SYNPR: variants seen among roughly 807,000 people sequenced by gnomAD.
SYNPR encodes synaptoporin.
SYNPR carries 23 observed loss-of-function variants against 32.9 expected under a neutral mutation model. The ratio of observed to expected loss-of-function variants is 0.70; its 90% CI spans 0.50 to 0.99. The LOEUF (loss-of-function observed/expected upper bound fraction) is 0.99, where lower values mean the gene tolerates loss of function less well. SYNPR is among the 50% of genes least tolerant of loss of function. SYNPR has a pLI of 0.00. For synonymous variants in SYNPR, 146 were observed against 135.9 expected (o/e 1.07, Z -0.52); for missense variants, 318 against 349.3 (o/e 0.91, Z 0.71).
chr3:63,528,448 A>C (rs1386525241), intron 3 of SYNPR, among the ~76,000 whole-genome samples: 2 of 152,214 alleles, frequency 1.3e-5, no homozygotes, highest in East Asian at 3.9e-4. Flanking sequence ...ACTAGACTTA[A>C]ACTAGCAAAA....
rs2086595414 is a variant in SYNPR, at chr3:63,278,340, C to T, written c.-194C>T. On this transcript the variant is annotated 5_prime_UTR_variant, in exon 1 of 6. Coordinates refer to ENST00000478300, the MANE Select transcript of SYNPR (RefSeq NM_001130003.2). Reference sequence around the variant, plus strand: ...GCTGACTCGCTTCGCTTCCCCGACGCGCTGGGTTCCCGGAGCGCAGAGCCC... The same window carrying T: ...GCTGACTCGCTTCGCTTCCCCGACGTGCTGGGTTCCCGGAGCGCAGAGCCC... The T allele has an allele frequency of 1.5e-6, 1 of 658,808 alleles. No individual in the cohort carries two copies. Among genetic ancestry groups the T allele is most frequent in the Non-Finnish European group, 2.5e-6 (1 of 392,230 alleles). The allele number at this position is 658,808 out of a possible 1,614,324, so 40.8% of individuals were successfully genotyped here.
At chr3:63,542,860 T>C (rs1439408086) in intron 3 of SYNPR, among the ~76,000 whole-genome samples, 1 of 152,104 alleles carries the variant, frequency 6.6e-6, no homozygotes, top group Non-Finnish European at 1.5e-5. Flanking sequence ...CTATCCCATA[T>C]TACCTGAATT....
chr3:63,386,335 A>G (rs1233970585), intron 2 of SYNPR, among the ~76,000 whole-genome samples: 2 of 152,192 alleles, frequency 1.3e-5, no homozygotes, highest in Non-Finnish European at 2.9e-5. Context: ...AAAGAAATAA[A>G]TGTATTCTAC....
chr3:63,278,368 C>A lies in SYNPR; in HGVS notation c.-166C>A. 1.2e-6 allele frequency: 1 copy of A among 827,174 alleles called. No individual in the cohort carries two copies. 51.2% of individuals were successfully genotyped at this position (827,174 alleles called of 1,614,324 possible). On this transcript the variant is annotated 5_prime_UTR_variant, in exon 1 of 6. Transcript: ENST00000478300. ...TGGGTTCCCGGAGCGCAGAGCCCAG[C>A]GTTAGCGGGTGGGCTCCCCGAGGCC...
intron 3 of SYNPR, among the ~76,000 whole-genome samples, chr3:63,523,522 C>A (rs957550695): frequency 6.6e-6 from 1 of 152,110 alleles, no homozygotes; most frequent in African/African-American, 2.4e-5. Flanking sequence ...CCCTAATCAC[C>A]AAAGGTAGTA....
chr3:63,222,011 A>ATTTTTTTTTTATTTTTTTTTTTTTT, the SYNPR span, among the ~76,000 whole-genome samples: 1 of 56,410 alleles, frequency 1.8e-5, no homozygotes, highest in Non-Finnish European at 3.5e-5. Context: ...GCCATGCTCA[A>ATTTTTTTTTTATTTTTTTTTTTTTT]TTTTTTTTTT....
At chr3:63,488,366 G>A (rs1278103163) in intron 3 of SYNPR, among the ~76,000 whole-genome samples, 2 of 152,160 alleles carry the variant, frequency 1.3e-5, no homozygotes, top group Non-Finnish European at 2.9e-5. Flanking sequence ...TGTGTATGAT[G>A]AGACCTGATG....
chr3:63,316,441 A>G (rs2087044670), intron 2 of SYNPR, among the ~76,000 whole-genome samples: 1 of 151,828 alleles, frequency 6.6e-6, no homozygotes, highest in South Asian at 2.1e-4. Flanking sequence ...AGGATATCGA[A>G]TTCTTCCTGG....
At chr3:63,507,420 G>A (rs1701610322) in intron 3 of SYNPR, among the ~76,000 whole-genome samples, 1 of 152,142 alleles carries the variant, frequency 6.6e-6, no homozygotes, top group Non-Finnish European at 1.5e-5. Context: ...ATTCTGTGAA[G>A]TAACAGACAA....
At chr3:63,232,422 C>T (rs763353169) in intron 1 of SYNPR, among the ~76,000 whole-genome samples, 3 of 152,104 alleles carry the variant, frequency 2.0e-5, no homozygotes, top group Non-Finnish European at 2.9e-5. Context: ...AGGCTGGTCT[C>T]GAGCTCTTGA....
In SYNPR at chr3:63,498,341, G is replaced by C. The variant is rs549702237; in HGVS notation, c.209+17385G>C. On this transcript the variant is annotated intron_variant, in intron 3 of 5. Coordinates refer to ENST00000478300, the MANE Select transcript of SYNPR (RefSeq NM_001130003.2). ...CACTGTGCCAGGAGCTGTTCTTGGT[G>C]CCGGGAATCCAGTGGAGAGCAAGAT... Among the ~76,000 whole-genome samples, 345 of 152,226 alleles carry C rather than the reference G, an allele frequency of 2.3e-3. 3 individuals are homozygous for C. Among genetic ancestry groups the C allele is most frequent in the African/African-American group, 7.4e-3 (308 of 41,556 alleles).
At chr3:63,455,159 C>A (rs769261222) in intron 2 of SYNPR, among the ~76,000 whole-genome samples, 22 of 151,988 alleles carry the variant, frequency 1.4e-4, no homozygotes, top group Non-Finnish European at 3.1e-4. Flanking sequence ...AAAATGTTAC[C>A]TCTCTCCTTA....
chr3:63,547,327 C>T (rs1285918967), intron 3 of SYNPR, among the ~76,000 whole-genome samples: 1 of 152,022 alleles, frequency 6.6e-6, no homozygotes. Context: ...CTGGAGTCTT[C>T]TCTCAGTTCT....
chr3:63,585,470 C>CCCA, intron 4 of SYNPR, among the ~76,000 whole-genome samples: 1 of 151,552 alleles, frequency 6.6e-6, no homozygotes, highest in African/African-American at 2.4e-5. Context: ...CCGCCCCGCA[C>CCCA]CCACCACACA....
intron 4 of SYNPR, among the ~76,000 whole-genome samples, chr3:63,588,074 T>C (rs1565982): frequency 0.43 from 65,912 of 151,942 alleles, 15,321 homozygotes; most frequent in African/African-American, 0.6. Flanking sequence ...CATGCTTCTA[T>C]TATCTGCCAT....
At chr3:63,266,718 A>AAAAAAAC (rs397787253) in intron 2 of SYNPR, among the ~76,000 whole-genome samples, 1,229 of 119,164 alleles carry the variant, frequency 0.01, 25 homozygotes, top group African/African-American at 0.032. Context: ...AAAAAAAAAA[A>AAAAAAAC]CACAAAAAAC....
At chr3:63,459,663 C>T (rs554099420) in intron 2 of SYNPR, among the ~76,000 whole-genome samples, 1 of 152,166 alleles carries the variant, frequency 6.6e-6, no homozygotes, top group South Asian at 2.1e-4. Context: ...TAATCATCCC[C>T]TTTGTGAAGA....
At chr3:63,220,382 T>C in the SYNPR span, among the ~76,000 whole-genome samples, 2 of 152,188 alleles carry the variant, frequency 1.3e-5, no homozygotes, top group Admixed American at 6.5e-5. Flanking sequence ...TAATAACTGA[T>C]AGGCTGGTTA....
In SYNPR at chr3:63,485,954, T is replaced by C. The variant is rs1052903640; in HGVS notation, c.209+4998T>C. Among the ~76,000 whole-genome samples, 3 of 152,342 alleles carry C rather than the reference T, an allele frequency of 2.0e-5. No homozygotes were observed. The East Asian group carries it at 5.8e-4, about 29-fold the overall frequency. On this transcript the variant is annotated intron_variant, in intron 3 of 5. Transcript: ENST00000478300. ...TCAATTTTAAGCATTATTTTACATA[T>C]GAGATTAGTAATCACTGTTCTAGAT...
Sources: allele counts gnomAD v4.1 joint callset (sites outside exome capture counted in the v4.1 genomes callset), GRCh38; gene constraint gnomAD v4.1.1; transcripts MANE v1.5; gene names NCBI Gene and HGNC (gene_info 2026-07-23, HGNC 2026-07-21).